Variants in CNTNAP2 observed in about 807,000 individuals in gnomAD.
The protein encoded by CNTNAP2 is contactin associated protein 2.
Under a neutral mutation model 155.2 loss-of-function variants are expected in CNTNAP2, and 98 were observed. The observed-to-expected ratio is 0.63, with a 90% confidence interval of 0.54 to 0.75. The LOEUF (loss-of-function observed/expected upper bound fraction) is 0.75, where lower values mean the gene tolerates loss of function less well. Among genes scored for constraint, CNTNAP2 ranks in the 30% least tolerant of loss-of-function variants. The probability of loss-of-function intolerance (pLI) is 0.00; values close to 1 mark genes in which losing one functional copy is unlikely to be tolerated. For missense variants in CNTNAP2, 1,727 were observed against 1,688.1 expected (o/e 1.02, Z -0.40); for synonymous variants, 651 against 631.2 (o/e 1.03, Z -0.47).
At chr7:146,211,170 C>T (rs1332612295) in intron 1 of CNTNAP2, among the ~76,000 whole-genome samples, 1 of 152,156 alleles carries the variant, frequency 6.6e-6, no homozygotes, top group Non-Finnish European at 1.5e-5. Context: ...CCAAAAGCTG[C>T]ATCCGTGCAC....
rs1213797659 is a variant in CNTNAP2, at chr7:147,280,336, G to GCTCT, written c.1349-19805_1349-19804insCTCT. On this transcript the variant is annotated intron_variant, in intron 8 of 23. Coordinates refer to ENST00000361727, the MANE Select transcript of CNTNAP2 (RefSeq NM_014141.6). ...TGCACAGTTCAGAGACAAAAACAGAGGTCACACATCCTCCAGCAAGTCTGC... is the reference window on the plus strand; with the variant it reads ...TGCACAGTTCAGAGACAAAAACAGAGCTCTGTCACACATCCTCCAGCAAGTCTGC... Among the ~76,000 whole-genome samples the GCTCT allele has an allele frequency of 3.3e-5, 5 of 151,950 alleles. No homozygotes were observed. In the South Asian group the frequency reaches 8.3e-4, roughly 25 times the overall value.
At chr7:148,276,641 GATCT>G (rs1457924382) in intron 21 of CNTNAP2, among the ~76,000 whole-genome samples, 1 of 152,218 alleles carries the variant, frequency 6.6e-6, no homozygotes, top group Admixed American at 6.5e-5. Context: ...CCATATTACG[GATCT>G]ATTTATAAGC....
At chr7:147,001,007 T>C (rs560328368) in intron 3 of CNTNAP2, among the ~76,000 whole-genome samples, 4 of 152,104 alleles carry the variant, frequency 2.6e-5, no homozygotes, top group African/African-American at 4.8e-5. Flanking sequence ...TGGTTTTTAC[T>C]GTGGTGGGCC....
At chr7:147,775,228 AATATATATATATATTT>A (rs1797541684) in intron 13 of CNTNAP2, among the ~76,000 whole-genome samples, 1 of 110,634 alleles carries the variant, frequency 9.0e-6, no homozygotes, top group East Asian at 2.6e-4. Context: ...ATACAAAAGA[AATATATATATATATTT>A]ATATATATAT....
chr7:147,407,460 T>C (rs1320960178), intron 10 of CNTNAP2, among the ~76,000 whole-genome samples: 1 of 90,282 alleles, frequency 1.1e-5, no homozygotes, highest in Non-Finnish European at 1.9e-5. Context: ...AGAGCGAGAC[T>C]CCCTCTCAAA....
At chr7:146,352,885 G>A (rs557422288) in intron 1 of CNTNAP2, among the ~76,000 whole-genome samples, 3 of 148,828 alleles carry the variant, frequency 2.0e-5, no homozygotes, top group South Asian at 4.2e-4. Flanking sequence ...CTCCCTAGTC[G>A]CTAGGACTAC....
intron 20 of CNTNAP2, among the ~76,000 whole-genome samples, chr7:148,244,114 G>T (rs961911431): frequency 3.9e-5 from 6 of 152,234 alleles, no homozygotes; most frequent in Non-Finnish European, 7.3e-5. Context: ...ATGCGTAGGA[G>T]AAGGTAAGGA....
At chr7:147,176,427 T>G (rs2116488334) in intron 8 of CNTNAP2, among the ~76,000 whole-genome samples, 1 of 152,024 alleles carries the variant, frequency 6.6e-6, no homozygotes, top group African/African-American at 2.4e-5. Context: ...TTTATGATAA[T>G]TTAGATATTG....
chr7:146,769,147 C>T (rs1802250346), intron 1 of CNTNAP2, among the ~76,000 whole-genome samples: 1 of 152,298 alleles, frequency 6.6e-6, no homozygotes, highest in South Asian at 2.1e-4. Flanking sequence ...TAATTTTCAT[C>T]CAAGATTCCC....
chr7:146,514,962 C>T (rs937195096), intron 1 of CNTNAP2, among the ~76,000 whole-genome samples: 1 of 151,966 alleles, frequency 6.6e-6, no homozygotes, highest in African/African-American at 2.4e-5. Context: ...TGCCAGGGCT[C>T]TTGCAAAAGC....
chr7:147,790,590 T>A (rs1797805285), intron 13 of CNTNAP2, among the ~76,000 whole-genome samples: 1 of 152,260 alleles, frequency 6.6e-6, no homozygotes, highest in African/African-American at 2.4e-5. Context: ...ATAATTAATG[T>A]TACTTTTATC....
intron 1 of CNTNAP2, among the ~76,000 whole-genome samples, chr7:146,404,796 A>C (rs1442339635): frequency 2.0e-5 from 3 of 151,946 alleles, no homozygotes; most frequent in Non-Finnish European, 4.4e-5. Flanking sequence ...TTGGGCTTCA[A>C]AGCCTCCCAA....
intron 10 of CNTNAP2, among the ~76,000 whole-genome samples, chr7:147,418,970 G>A (rs1797243689): frequency 6.6e-6 from 1 of 152,176 alleles, no homozygotes; most frequent in Non-Finnish European, 1.5e-5. Context: ...GAACTCAGTG[G>A]TGAACGTACT....
chr7:147,366,440 T>C (rs1190870324), intron 9 of CNTNAP2, among the ~76,000 whole-genome samples: 6 of 152,014 alleles, frequency 3.9e-5, no homozygotes, highest in Non-Finnish European at 8.8e-5. Context: ...TAATTTCCTT[T>C]TCTCTGCCTT....
At chr7:146,289,458 A>AT (rs1435795131) in intron 1 of CNTNAP2, among the ~76,000 whole-genome samples, 4 of 152,004 alleles carry the variant, frequency 2.6e-5, no homozygotes, top group African/African-American at 7.3e-5. Context: ...CCCTTAATAC[A>AT]TTTTTCTGTT....
intron 20 of CNTNAP2, among the ~76,000 whole-genome samples, chr7:148,234,225 C>G (rs1308876427): frequency 1.3e-5 from 2 of 152,130 alleles, no homozygotes; most frequent in Non-Finnish European, 2.9e-5. Flanking sequence ...ACAGCATAGT[C>G]GAACCCAGGT....
chr7:147,934,678 C>T (rs1563140349), intron 14 of CNTNAP2, among the ~76,000 whole-genome samples: 1 of 152,196 alleles, frequency 6.6e-6, no homozygotes, highest in Non-Finnish European at 1.5e-5. Flanking sequence ...ATCACCAGCA[C>T]TGAAATCTTG....
chr7:146,635,692 T>G (rs535101112), intron 1 of CNTNAP2, among the ~76,000 whole-genome samples: 8 of 152,072 alleles, frequency 5.3e-5, no homozygotes, highest in Non-Finnish European at 1.2e-4. Flanking sequence ...CCAGGAATTG[T>G]TAGTAATTGC....
intron 4 of CNTNAP2, among the ~76,000 whole-genome samples, chr7:147,063,490 A>G (rs750074246): frequency 6.6e-6 from 1 of 152,176 alleles, no homozygotes; most frequent in Non-Finnish European, 1.5e-5. Context: ...GGAGGAGGAG[A>G]TAACAGCAAT....
Sources: allele counts gnomAD v4.1 joint callset (sites outside exome capture counted in the v4.1 genomes callset), GRCh38; gene constraint gnomAD v4.1.1; transcripts MANE v1.5; gene names NCBI Gene and HGNC (gene_info 2026-07-23, HGNC 2026-07-21).